Variants in DPP10 observed in about 807,000 individuals in gnomAD.
The protein encoded by DPP10 is inactive dipeptidyl peptidase 10.
A neutral mutation model predicts 120.9 loss-of-function variants in DPP10; 33 were observed. The ratio of observed to expected loss-of-function variants is 0.27; its 90% CI spans 0.21 to 0.37. The LOEUF is 0.37. DPP10 is among the 10% of genes least tolerant of loss of function. The pLI, the probability that DPP10 is intolerant of heterozygous loss-of-function variation, is 1.00. For missense variants in DPP10, 816 were observed against 942.8 expected, an observed-to-expected ratio of 0.87 and a Z score of 1.76; for synonymous variants, 337 against 326.1, an observed-to-expected ratio of 1.03 and a Z score of -0.36.
At chr2:114,677,724 T>C (rs1046032308) in intron 1 of DPP10, among the ~76,000 whole-genome samples, 4 of 152,144 alleles carry the variant, frequency 2.6e-5, no homozygotes, top group African/African-American at 9.6e-5. Context: ...CTCTACACGC[T>C]GCAGATAACA....
intron 1 of DPP10, among the ~76,000 whole-genome samples, chr2:114,497,322 TACGTGTATACATGTACATATACATAC>T (rs1682714294): frequency 4.8e-5 from 1 of 21,036 alleles, no homozygotes; most frequent in Non-Finnish European, 1.4e-4. Flanking sequence ...TGTACATGTA[TACGTGTATACATGTACATATACATAC>T]ACATGTACAT....
At chr2:115,509,689 C>CACAAAACAAA in intron 4 of DPP10, among the ~76,000 whole-genome samples, 1 of 151,898 alleles carries the variant, frequency 6.6e-6, no homozygotes, top group East Asian at 1.9e-4. Context: ...AACAAAAGAA[C>CACAAAACAAA]ACAAAACAAA....
At chr2:115,552,028 G>T (rs1029506886) in intron 5 of DPP10, among the ~76,000 whole-genome samples, 1 of 152,046 alleles carries the variant, frequency 6.6e-6, no homozygotes, top group African/African-American at 2.4e-5. Context: ...GGCTACCATA[G>T]TTCCAGGTGT....
intron 1 of DPP10, among the ~76,000 whole-genome samples, chr2:115,135,238 TGA>T (rs1243889776): frequency 1.7e-5 from 1 of 57,434 alleles, no homozygotes; most frequent in African/African-American, 4.3e-5. Flanking sequence ...GTGGGGCCCT[TGA>T]GATATATATA....
intron 19 of DPP10, among the ~76,000 whole-genome samples, chr2:115,793,183 A>C (rs1166236807): frequency 1.3e-5 from 2 of 152,096 alleles, no homozygotes; most frequent in Non-Finnish European, 2.9e-5. Flanking sequence ...GTTTTTTTTG[A>C]GAAGTGGGAT....
intron 1 of DPP10, among the ~76,000 whole-genome samples, chr2:115,242,714 A>G (rs1379471634): frequency 1.3e-5 from 2 of 149,608 alleles, no homozygotes; most frequent in Non-Finnish European, 3.0e-5. Flanking sequence ...TTGCCAGAGT[A>G]AGGTGGTATT....
In DPP10 at chr2:115,122,762, T is replaced by C. The variant is rs895648157; in HGVS notation, c.61-186477T>C. ...AACAAGCAGAGGAAACCTTGAACAT[T>C]ACACGGCCTTAGGCTTTAGCCCTAC... On this transcript the variant is annotated intron_variant, in intron 1 of 25. Transcript: ENST00000410059. Among the ~76,000 whole-genome samples, 7 of 152,294 alleles carry C rather than the reference T, an allele frequency of 4.6e-5. No homozygotes were observed. In the East Asian group the frequency reaches 1.2e-3, roughly 25 times the overall value.
intron 1 of DPP10, among the ~76,000 whole-genome samples, chr2:115,128,866 C>T (rs748223323): frequency 1.3e-5 from 2 of 152,128 alleles, no homozygotes; most frequent in Admixed American, 6.5e-5. Flanking sequence ...TATTTTTACA[C>T]GTCGAGATCC....
intron 1 of DPP10, among the ~76,000 whole-genome samples, chr2:114,900,158 C>A (rs952902479): frequency 3.1e-4 from 47 of 152,116 alleles, no homozygotes; most frequent in Non-Finnish European, 4.6e-4. Context: ...TAGTCAATAA[C>A]AACGTACACT....
intron 1 of DPP10, among the ~76,000 whole-genome samples, chr2:115,191,543 AAAG>A (rs1559214421): frequency 1.3e-5 from 2 of 152,250 alleles, no homozygotes; most frequent in Non-Finnish European, 2.9e-5. Flanking sequence ...TAGAGTGAGG[AAAG>A]AAGAAGGAGT....
intron 1 of DPP10, among the ~76,000 whole-genome samples, chr2:114,473,466 A>G (rs1680106467): frequency 6.6e-6 from 1 of 152,202 alleles, no homozygotes; most frequent in Non-Finnish European, 1.5e-5. Flanking sequence ...TGTTTTTCCT[A>G]CAATGTTAAA....
chr2:114,467,131 A>T (rs1266012313), intron 1 of DPP10, among the ~76,000 whole-genome samples: 1 of 152,066 alleles, frequency 6.6e-6, no homozygotes, highest in African/African-American at 2.4e-5. Context: ...ATGTGGATTT[A>T]TTTTTACTTC....
At chr2:115,094,955 T>G (rs11677549) in intron 1 of DPP10, among the ~76,000 whole-genome samples, 2 of 152,048 alleles carry the variant, frequency 1.3e-5, no homozygotes, top group South Asian at 4.1e-4. Context: ...AACAGACAAC[T>G]GGCACTTTGG....
intron 1 of DPP10, among the ~76,000 whole-genome samples, chr2:115,076,586 C>A (rs1232296438): frequency 1.3e-5 from 2 of 152,098 alleles, no homozygotes; most frequent in Non-Finnish European, 2.9e-5. Flanking sequence ...ATCGAAATAG[C>A]ACTACGTGTA....
intron 1 of DPP10, among the ~76,000 whole-genome samples, chr2:114,631,503 ACT>A (rs887339128): frequency 1.3e-5 from 2 of 152,102 alleles, no homozygotes; most frequent in Non-Finnish European, 2.9e-5. Flanking sequence ...CATTTGGATG[ACT>A]CTGTTAATGA....
chr2:115,005,280 A>T (rs1701738516), intron 1 of DPP10, among the ~76,000 whole-genome samples: 1 of 152,084 alleles, frequency 6.6e-6, no homozygotes, highest in South Asian at 2.1e-4. Context: ...AACCGAACAG[A>T]AAAACTGGAA....
At chr2:115,494,828 T>C (rs1039327027) in intron 3 of DPP10, among the ~76,000 whole-genome samples, 3 of 152,158 alleles carry the variant, frequency 2.0e-5, no homozygotes, top group South Asian at 2.1e-4. Context: ...GAGAACTGAT[T>C]TGCCAGAGTT....
chr2:115,572,800 AT>A (rs1042773957), intron 5 of DPP10, among the ~76,000 whole-genome samples: 8 of 152,154 alleles, frequency 5.3e-5, no homozygotes, highest in African/African-American at 1.9e-4. Flanking sequence ...TAACATTATT[AT>A]TTTTTTAACA....
At chr2:114,598,156 T>C (rs1046853731) in intron 1 of DPP10, among the ~76,000 whole-genome samples, 10 of 151,902 alleles carry the variant, frequency 6.6e-5, no homozygotes, top group African/African-American at 2.2e-4. Context: ...TCCTGTGTGA[T>C]TGCATCATAG....
Sources: gnomAD v4.1 joint callset for allele counts (sites outside exome capture counted in the v4.1 genomes callset) on GRCh38, gnomAD v4.1.1 for gene constraint, MANE v1.5 for transcripts, NCBI Gene and HGNC (gene_info 2026-07-23, HGNC 2026-07-21) for gene names.